The following LIPI variants were observed in gnomAD, a reference collection of about 807,000 sequenced individuals.
LIPI encodes lipase I.
Under a neutral mutation model 50.6 loss-of-function variants are expected in LIPI, and 59 were observed. The ratio of observed to expected loss-of-function variants is 1.16; its 90% CI spans 0.94 to 1.45. LIPI has a LOEUF of 1.45. LIPI is among the 40% of genes most tolerant of loss of function. The pLI is 0.00. For synonymous variants in LIPI, 203 were observed against 178.2 expected, an observed-to-expected ratio of 1.14 and a Z score of -1.11; for missense variants, 586 against 536.3, an observed-to-expected ratio of 1.09 and a Z score of -0.92.
chr21:14,183,073 T>C (rs536939416), intron 3 of LIPI, among the ~76,000 whole-genome samples: 177 of 151,832 alleles, frequency 1.2e-3, no homozygotes, highest in African/African-American at 4.1e-3. Context: ...GACTTCAAAC[T>C]ATGCTACAAG....
At chr21:14,206,286 T>TTTC (rs369205675) in intron 1 of LIPI, among the ~76,000 whole-genome samples, 4,074 of 152,156 alleles carry the variant, frequency 0.027, 71 homozygotes, top group Admixed American at 0.032. Flanking sequence ...TTACCTCTCA[T>TTTC]CTCTGAGTCT....
intron 4 of LIPI, among the ~76,000 whole-genome samples, chr21:14,170,447 T>C (rs200247046): frequency 1.3e-5 from 2 of 152,256 alleles, no homozygotes; most frequent in East Asian, 1.9e-4. Flanking sequence ...TTGATGAACA[T>C]TGATGCAAAA....
At chr21:14,206,750 T>A in intron 1 of LIPI, 1 of 932,170 alleles carries the variant, frequency 1.1e-6, no homozygotes, top group Non-Finnish European at 1.7e-6. Context: ...AGCCCAGTGT[T>A]GTTTTATATT....
chr21:14,176,035 G>A (rs1340779598), intron 4 of LIPI, among the ~76,000 whole-genome samples: 2 of 151,776 alleles, frequency 1.3e-5, no homozygotes, highest in African/African-American at 4.8e-5. Context: ...AAAATTAGCC[G>A]GGCCTGGTGG....
intron 9 of LIPI, among the ~76,000 whole-genome samples, chr21:14,135,730 C>G (rs531529489): frequency 1.3e-5 from 2 of 152,098 alleles, no homozygotes; most frequent in Non-Finnish European, 2.9e-5. Flanking sequence ...GCAGTCTAGG[C>G]CTTCAGGACT....
intron 1 of LIPI, among the ~76,000 whole-genome samples, chr21:14,207,683 A>AT (rs1198203784): frequency 2.6e-5 from 4 of 152,288 alleles, no homozygotes; most frequent in African/African-American, 9.6e-5. Context: ...ATATATCTGC[A>AT]TTTTTTTAAG....
intron 4 of LIPI, among the ~76,000 whole-genome samples, chr21:14,170,206 G>A (rs1450910503): frequency 2.0e-5 from 3 of 152,112 alleles, no homozygotes; most frequent in Non-Finnish European, 4.4e-5. Flanking sequence ...AGGCTCTGAA[G>A]TTGTGGCAAT....
intron 1 of LIPI, 64 bp from the exon 2 acceptor site, chr21:14,189,483 C>T (rs1272794420): frequency 4.1e-5 from 59 of 1,445,248 alleles, no homozygotes; most frequent in Non-Finnish European, 5.4e-5. Context: ...GTTGCTATTG[C>T]AAAGAACAGA....
intron 9 of LIPI, among the ~76,000 whole-genome samples, chr21:14,124,659 C>T (rs1231134077): frequency 3.3e-5 from 5 of 152,200 alleles, no homozygotes; most frequent in African/African-American, 4.8e-5. Context: ...AAGTAGCTCC[C>T]GGACACTGAC....
rs567208744 is a variant in LIPI at position 14,148,997 on chromosome 21, G to T, written c.1118+3576C>A. Among the ~76,000 whole-genome samples the T allele has an allele frequency of 2.4e-4, 36 of 152,214 alleles. No individual in the cohort carries two copies. In the South Asian group the frequency reaches 4.2e-3, roughly 18 times the overall value. ...AAGACCAACAGTTTCTTTGCCTTCT[G>T]AACAAATTTGAAACATCTGTTCTAG... On this transcript the variant is annotated intron_variant, in intron 8 of 9. Coordinates refer to ENST00000681601, the MANE Select transcript of LIPI (RefSeq NM_001302998.2).
At chr21:14,206,706 A>G (rs2020235218) in intron 1 of LIPI, 5 of 704,418 alleles carry the variant, frequency 7.1e-6, no homozygotes, top group Non-Finnish European at 1.0e-5. Context: ...TAACCACATG[A>G]TAATAGTTTA....
chr21:14,166,566 A>T, intron 4 of LIPI, 115 bp from the exon 5 acceptor site: 1 of 690,666 alleles, frequency 1.4e-6, no homozygotes, highest in East Asian at 2.6e-5. Flanking sequence ...ATTAGAATTG[A>T]AAATAAGTGC....
chr21:14,109,097 T>C lies in LIPI; in HGVS notation c.1296-17A>G, dbSNP rs747651692. The C allele has an allele frequency of 1.3e-6, 2 of 1,569,830 alleles. No homozygotes were observed. Among genetic ancestry groups the C allele is most frequent in the Admixed American group, 3.3e-5 (2 of 59,888 alleles). ...AGTGGTGGTCTGAGAAAGAGAAAAA[T>C]GGAGAGAACAAAAAAATAACTATTA... is the stretch of plus-strand genomic sequence containing the variant. On this transcript the variant is annotated splice_polypyrimidine_tract_variant and intron_variant, in intron 9 of 9. Transcript: ENST00000681601.
chr21:14,165,710 T>C (rs1289238927), intron 5 of LIPI, among the ~76,000 whole-genome samples: 6 of 152,318 alleles, frequency 3.9e-5, no homozygotes, highest in African/African-American at 1.4e-4. Flanking sequence ...TTCCTTCTAA[T>C]ACTGCACTCC....
At chr21:14,166,693 A>G (rs917165507) in intron 4 of LIPI, among the ~76,000 whole-genome samples, 4 of 152,180 alleles carry the variant, frequency 2.6e-5, no homozygotes, top group Non-Finnish European at 4.4e-5. Flanking sequence ...TTTTTGTGGT[A>G]TGACCGCATA....
intron 1 of LIPI, among the ~76,000 whole-genome samples, chr21:14,206,070 T>C (rs1182468924): frequency 1.3e-5 from 2 of 152,026 alleles, no homozygotes. Context: ...CAAAGACACA[T>C]GGGGAAGTTA....
At chr21:14,170,644 T>C (rs1600892912) in intron 4 of LIPI, among the ~76,000 whole-genome samples, 2 of 152,160 alleles carry the variant, frequency 1.3e-5, no homozygotes, top group East Asian at 3.9e-4. Flanking sequence ...TGCAGAAAAG[T>C]TTTTTGACAA....
intron 8 of LIPI, among the ~76,000 whole-genome samples, chr21:14,151,092 TTA>T (rs1006562720): frequency 1.6e-4 from 25 of 152,186 alleles, no homozygotes; most frequent in African/African-American, 5.3e-4. Flanking sequence ...GGAATGGTTT[TTA>T]TGTTACTTCA....
chr21:14,183,097 A>G (rs887670941), intron 3 of LIPI, among the ~76,000 whole-genome samples: 7 of 152,304 alleles, frequency 4.6e-5, no homozygotes, highest in Non-Finnish European at 1.0e-4. Context: ...ACAGTAACCA[A>G]AACAGCATGG....
Sources: gnomAD v4.1 joint callset for allele counts (sites outside exome capture counted in the v4.1 genomes callset) on GRCh38, gnomAD v4.1.1 for gene constraint, MANE v1.5 for transcripts, NCBI Gene and HGNC (gene_info 2026-07-23, HGNC 2026-07-21) for gene names.